PHF21B: variants seen among roughly 807,000 people sequenced by gnomAD.
PHF21B encodes the protein PHD finger protein 21B, also known as PHD finger protein 4.
In PHF21B, 22 loss-of-function variants were observed where a neutral mutation model predicts 62.2. The observed-to-expected ratio is 0.35, with a 90% CI of 0.25 to 0.51. The LOEUF is 0.51. Ranked by LOEUF, PHF21B falls within the 20% of genes least tolerant of loss-of-function variation. The pLI is 0.97. For missense variants in PHF21B, 701 were observed against 707.9 expected (o/e 0.99, Z 0.11); for synonymous variants, 341 against 314.7 (o/e 1.08, Z -0.88).
intron 2 of PHF21B, among the ~76,000 whole-genome samples, chr22:44,996,499 G>A (rs1178712326): frequency 6.6e-6 from 1 of 151,806 alleles, no homozygotes; most frequent in Non-Finnish European, 1.5e-5. Context: ...TCAATCTGTG[G>A]TCAACATTCT....
At chr22:44,920,220 G>A (rs774362773) in intron 3 of PHF21B, among the ~76,000 whole-genome samples, 178 bp downstream of exon 3, 1 of 152,218 alleles carries the variant, frequency 6.6e-6, no homozygotes, top group Non-Finnish European at 1.5e-5. Flanking sequence ...AAACGTATCT[G>A]GTCCAAATGT....
chr22:44,934,425 C>T (rs1477120541), intron 2 of PHF21B, among the ~76,000 whole-genome samples: 3 of 152,198 alleles, frequency 2.0e-5, no homozygotes, highest in Non-Finnish European at 2.9e-5. Flanking sequence ...GGGACTTCCA[C>T]GAGCAGGAGT....
At chr22:44,998,038 C>A (rs1381713514) in intron 2 of PHF21B, among the ~76,000 whole-genome samples, 1 of 152,234 alleles carries the variant, frequency 6.6e-6, no homozygotes, top group African/African-American at 2.4e-5. Flanking sequence ...GCAGGGACTC[C>A]TGATTCTCCA....
chr22:44,984,879 G>A (rs905527949), intron 2 of PHF21B, among the ~76,000 whole-genome samples: 1 of 152,182 alleles, frequency 6.6e-6, no homozygotes, highest in Non-Finnish European at 1.5e-5. Context: ...GGCCTGACCT[G>A]AGATTTGTCA....
chr22:44,907,594 C>T (rs1003895578), intron 5 of PHF21B, among the ~76,000 whole-genome samples: 1 of 152,196 alleles, frequency 6.6e-6, no homozygotes, highest in Non-Finnish European at 1.5e-5. Flanking sequence ...GTCTCAGCCA[C>T]ACACAAAAGG....
At chr22:44,999,188 G>A (rs968240760) in intron 2 of PHF21B, among the ~76,000 whole-genome samples, 2 of 152,178 alleles carry the variant, frequency 1.3e-5, no homozygotes, top group Non-Finnish European at 2.9e-5. Flanking sequence ...CGAACAGGAA[G>A]TCACCACCAA....
intron 2 of PHF21B, among the ~76,000 whole-genome samples, chr22:44,935,336 C>T (rs1050256049): frequency 2.0e-5 from 3 of 151,920 alleles, no homozygotes; most frequent in Non-Finnish European, 2.9e-5. Context: ...AGCACATGGC[C>T]GGGCGCGGTG....
chr22:44,937,273 G>C (rs769902179), intron 2 of PHF21B, among the ~76,000 whole-genome samples: 1 of 152,208 alleles, frequency 6.6e-6, no homozygotes, highest in Non-Finnish European at 1.5e-5. Flanking sequence ...CCCAAGAGCA[G>C]TGACTACGAG....
intron 2 of PHF21B, among the ~76,000 whole-genome samples, chr22:44,921,998 G>A (rs147691000): frequency 2.1e-4 from 32 of 152,280 alleles, no homozygotes; most frequent in African/African-American, 6.7e-4. Context: ...CGCACCCCAC[G>A]AGCCTGCCTG....
chr22:44,948,246 G>A (rs1485507208), intron 2 of PHF21B, among the ~76,000 whole-genome samples: 1 of 152,150 alleles, frequency 6.6e-6, no homozygotes, highest in Non-Finnish European at 1.5e-5. Context: ...CCATAACATA[G>A]CATAAGTGGG....
intron 7 of PHF21B, 146 bp downstream of exon 7, chr22:44,893,311 C>A: frequency 3.0e-6 from 2 of 661,658 alleles, no homozygotes; most frequent in East Asian, 5.5e-5. Context: ...AGATGATTTA[C>A]GGTCACCCCC....
intron 2 of PHF21B, among the ~76,000 whole-genome samples, chr22:44,982,296 G>A (rs1331879513): frequency 6.6e-6 from 1 of 152,220 alleles, no homozygotes; most frequent in Non-Finnish European, 1.5e-5. Context: ...TGCAAAGGCT[G>A]ATCTGGGGCA....
intron 2 of PHF21B, among the ~76,000 whole-genome samples, chr22:44,956,851 C>T (rs2072308677): frequency 6.6e-6 from 1 of 152,250 alleles, no homozygotes; most frequent in South Asian, 2.1e-4. Flanking sequence ...CGACCTCCCT[C>T]CCTTCTCATC....
At chr22:45,008,856 G>T in intron 1 of PHF21B, 2 of 1,178,814 alleles carry the variant, frequency 1.7e-6, no homozygotes, top group Non-Finnish European at 2.1e-6. Flanking sequence ...CCACCCGGCG[G>T]CGCGCCCCGA....
intron 2 of PHF21B, among the ~76,000 whole-genome samples, chr22:44,990,138 T>C (rs1324180223): frequency 6.6e-6 from 1 of 152,220 alleles, no homozygotes; most frequent in Non-Finnish European, 1.5e-5. Context: ...CCTGGCAGGA[T>C]GTGATATCAA....
intron 2 of PHF21B, among the ~76,000 whole-genome samples, chr22:44,934,119 G>T (rs1332157880): frequency 2.0e-5 from 3 of 152,312 alleles, no homozygotes; most frequent in African/African-American, 7.2e-5. Flanking sequence ...CCCTCCTGGG[G>T]ACTGCTGACC....
chr22:44,958,305 T>C (rs1193854203), intron 2 of PHF21B, among the ~76,000 whole-genome samples: 1 of 152,184 alleles, frequency 6.6e-6, no homozygotes, highest in Non-Finnish European at 1.5e-5. Flanking sequence ...AGTCGGGGTC[T>C]GCTGAAACCC....
chr22:44,882,054 GT>G lies in PHF21B; in HGVS notation c.*1031del. On this transcript the variant is annotated 3_prime_UTR_variant, in exon 13 of 13. Transcript: ENST00000313237. Reference sequence around the variant, plus strand: ...AGAAGCAGAAAGGAAGTCAGCCAGAGTCCCCCCAACCATTCACATTAAATAT... The same window carrying G: ...AGAAGCAGAAAGGAAGTCAGCCAGAGCCCCCCAACCATTCACATTAAATAT... 1 of 152,882 alleles carries G rather than the reference GT, an allele frequency of 6.5e-6. No individual in the cohort carries two copies. The highest frequency in any genetic ancestry group is 1.9e-4 in the East Asian group (1 of 5,184). The allele number at this position is 152,882 out of a possible 1,614,324, so 9.5% of individuals were successfully genotyped here.
rs2073169060 is a variant in PHF21B at position 44,999,143 on chromosome 22, C to CCAG, written c.120+9399_120+9401dup. ...GGACTGTAACCAGAGTGAAGCTGCA[C>CCAG]CAGCAATTTCTCCCCACACTGGGAC... On this transcript the variant is annotated intron_variant, in intron 2 of 12. Transcript: ENST00000313237. Among the ~76,000 whole-genome samples, 3 of 152,182 alleles carry CCAG rather than the reference C, an allele frequency of 2.0e-5. No homozygotes were observed. The South Asian group carries it at 6.2e-4, about 32-fold the overall frequency.
Sources: allele counts gnomAD v4.1 joint callset (sites outside exome capture counted in the v4.1 genomes callset), GRCh38; gene constraint gnomAD v4.1.1; transcripts MANE v1.5; gene names NCBI Gene and HGNC (gene_info 2026-07-23, HGNC 2026-07-21).